The following CUBN variants were observed in gnomAD, a reference collection of about 807,000 sequenced individuals.
CUBN encodes 460 kDa receptor.
A neutral mutation model predicts 405.3 loss-of-function variants in CUBN; 282 were observed. The ratio of observed to expected loss-of-function variants is 0.70; its 90% CI spans 0.63 to 0.77. CUBN has a LOEUF of 0.77. CUBN is among the 30% of genes least tolerant of loss of function. The probability of loss-of-function intolerance (pLI) is 0.00; values close to 1 mark genes in which losing one functional copy is unlikely to be tolerated. For synonymous variants in CUBN, 1,684 were observed against 1,617.0 expected, an observed-to-expected ratio of 1.04 and a Z score of -0.99; for missense variants, 4,514 against 4,475.2, an observed-to-expected ratio of 1.01 and a Z score of -0.25.
intron 32 of CUBN, among the ~76,000 whole-genome samples, chr10:16,952,933 G>A (rs1041942433): frequency 2.6e-5 from 4 of 152,164 alleles, no homozygotes; most frequent in Admixed American, 6.5e-5. Flanking sequence ...GGGAGGCCAG[G>A]GAGGGGACTG....
Position 17,068,692 on chromosome 10 carries a change from C to T in CUBN, c.2704G>A (p.Val902Met). ...GTDIPSFITS[V>M]YNFLYVTFVK... ...AATGTGACATAAAGAAAATTGTACA[C>T]AGATGTTATAAATGAAGGTATGTCT... The change falls in exon 20 of 67, where the codon GTG (valine) becomes ATG (methionine). Residue 902 changes from valine to methionine, a missense_variant. Physicochemically the swap from Val to Met is conservative, Grantham distance 21 (BLOSUM62 1). This residue lies in a region of CUBN where 1,448 missense variants were observed against 1,388.0 expected (regional missense o/e 1.04). Coordinates refer to ENST00000377833, the MANE Select transcript of CUBN (RefSeq NM_001081.4). 1 of 1,612,328 alleles carries T rather than the reference C, an allele frequency of 6.2e-7. No individual in the cohort carries two copies. Among genetic ancestry groups the T allele is most frequent in the Non-Finnish European group, 8.5e-7 (1 of 1,178,726 alleles).
rs147520724 is a variant in CUBN at position 16,915,589 on chromosome 10, T to G, written c.7210+232A>C. Among the ~76,000 whole-genome samples, 88 of 152,218 alleles carry G rather than the reference T, an allele frequency of 5.8e-4. 1 individual carries two copies. In the East Asian group the frequency reaches 0.014, roughly 23 times the overall value. On this transcript the variant is annotated intron_variant, in intron 46 of 66. Coordinates refer to ENST00000377833, the MANE Select transcript of CUBN (RefSeq NM_001081.4). ...AGAGGTGCCTTCCCACTACCGTTGC[T>G]CTCCCCAAGTGGCCTCCAGGGTGGG...
chr10:16,937,539 A>G, intron 39 of CUBN, 53 bp downstream of exon 39: 3 of 1,486,924 alleles, frequency 2.0e-6, no homozygotes, highest in Non-Finnish European at 2.8e-6. Flanking sequence ...CCTTTGAAAC[A>G]TTGGCCTGCA....
intron 28 of CUBN, among the ~76,000 whole-genome samples, chr10:17,012,365 T>C (rs1834209710): frequency 6.6e-6 from 1 of 151,566 alleles, no homozygotes; most frequent in African/African-American, 2.4e-5. Flanking sequence ...TCTCGTACTA[T>C]CCCTGACTGG....
intron 23 of CUBN, 147 bp downstream of exon 23, chr10:17,047,267 A>G (rs1351949091): frequency 1.1e-5 from 7 of 626,724 alleles, no homozygotes; most frequent in Non-Finnish European, 1.9e-5. Context: ...TCAGGCTCCA[A>G]ATGACAAACT....
At chr10:16,890,325 C>T in intron 55 of CUBN, 46 bp downstream of exon 55, 1 of 1,607,720 alleles carries the variant, frequency 6.2e-7, no homozygotes, top group African/African-American at 1.3e-5. Flanking sequence ...CTGTGACAAC[C>T]ACACTCCCGC....
chr10:17,046,841 G>T (rs1301358109), intron 23 of CUBN, among the ~76,000 whole-genome samples: 1 of 152,100 alleles, frequency 6.6e-6, no homozygotes, highest in African/African-American at 2.4e-5. Flanking sequence ...TTAACTCAAA[G>T]TAGTGGCATG....
chr10:17,116,107 T>C (rs1836890420), intron 6 of CUBN, among the ~76,000 whole-genome samples: 1 of 152,212 alleles, frequency 6.6e-6, no homozygotes, highest in South Asian at 2.1e-4. Flanking sequence ...CAAAGGGCAA[T>C]ATGTCTTCTA....
Position 17,119,961 on chromosome 10 carries a change from A to G in CUBN, c.593+2834T>C, listed in dbSNP as rs1053316304. On this transcript the variant is annotated intron_variant, in intron 6 of 66. Coordinates refer to ENST00000377833, the MANE Select transcript of CUBN (RefSeq NM_001081.4). Reference sequence around the variant, plus strand: ...GAGGTCTTTACAATGGCAAATTATTAATCCAGTTAAAGACTCCTTTTTCCG... The same window carrying G: ...GAGGTCTTTACAATGGCAAATTATTGATCCAGTTAAAGACTCCTTTTTCCG... Among the ~76,000 whole-genome samples the G allele has an allele frequency of 4.6e-5, 7 of 152,240 alleles. No homozygotes were observed. The East Asian group carries it at 1.3e-3, about 29-fold the overall frequency.
At chr10:17,122,761 A>AT (rs1554821407) in intron 6 of CUBN, 34 bp downstream of exon 6, 39 of 1,241,970 alleles carry the variant, frequency 3.1e-5, no homozygotes, top group Admixed American at 6.9e-5. Context: ...TCAAAAATAT[A>AT]CTGATATTTA....
intron 58 of CUBN, among the ~76,000 whole-genome samples, chr10:16,873,756 G>C (rs1043250513): frequency 2.6e-5 from 4 of 150,984 alleles, no homozygotes; most frequent in Non-Finnish European, 5.9e-5. Context: ...AAAAGAAAAT[G>C]TATACTTTGA....
At chr10:17,087,472 C>CTTTGTTTTTTTTTTTTTTTTT (rs1202786680) in intron 15 of CUBN, among the ~76,000 whole-genome samples, 18 of 71,726 alleles carry the variant, frequency 2.5e-4, no homozygotes, top group African/African-American at 8.0e-4. Flanking sequence ...TTTTCTTTTT[C>CTTTGTTTTTTTTTTTTTTTTT]TTTTTTTTTT....
chr10:17,054,497 G>T (rs182437110), intron 22 of CUBN, among the ~76,000 whole-genome samples: 1 of 151,818 alleles, frequency 6.6e-6, no homozygotes, highest in Admixed American at 6.6e-5. Flanking sequence ...AATGGAAAAT[G>T]CAATAGCAAT....
At chr10:16,916,205 T>C (rs1841879841) in intron 45 of CUBN, among the ~76,000 whole-genome samples, 175 bp from the exon 46 acceptor site, 1 of 152,254 alleles carries the variant, frequency 6.6e-6, no homozygotes, top group African/African-American at 2.4e-5. Flanking sequence ...TTCCTCATTA[T>C]TTGAATTCTA....
chr10:16,847,088 A>G lies in CUBN; in HGVS notation c.9663+4147T>C, dbSNP rs941315540. ...AGAGCCTCTTCTGCTCTGCCCTTCT[A>G]TGTTGTTTCTATTTATGATTTTTGT... On this transcript the variant is annotated intron_variant, in intron 60 of 66. Coordinates refer to ENST00000377833, the MANE Select transcript of CUBN (RefSeq NM_001081.4). 2.6e-5 allele frequency among the ~76,000 whole-genome samples: 4 copies of G among 152,086 alleles called. No individual in the cohort carries two copies. In the East Asian group the frequency reaches 7.7e-4, roughly 29 times the overall value.
chr10:17,027,594 A>T (rs1267199925), intron 27 of CUBN, among the ~76,000 whole-genome samples: 1 of 152,178 alleles, frequency 6.6e-6, no homozygotes, highest in Admixed American at 6.5e-5. Flanking sequence ...TTAAAGCAAT[A>T]TCTTTGGGGA....
intron 31 of CUBN, among the ~76,000 whole-genome samples, chr10:16,971,564 A>C (rs1832934252): frequency 6.6e-6 from 1 of 152,222 alleles, no homozygotes; most frequent in South Asian, 2.1e-4. Context: ...TCCAAGAAAA[A>C]ATGACTTAGT....
chr10:16,930,068 C>G (rs1458124256), intron 40 of CUBN, among the ~76,000 whole-genome samples: 1 of 152,152 alleles, frequency 6.6e-6, no homozygotes, highest in Non-Finnish European at 1.5e-5. Context: ...CCTTCCAAAA[C>G]CTCAACATAT....
rs1838875095 is a variant in CUBN at position 16,828,822 on chromosome 10, CAG to C, written c.10745_10746del (p.Ser3582TrpfsTer27). The C allele has an allele frequency of 6.2e-7, 1 of 1,612,554 alleles. No individual in the cohort carries two copies. On this transcript the variant is annotated frameshift_variant, in exon 66 of 67. Coordinates refer to ENST00000377833, the MANE Select transcript of CUBN (RefSeq NM_001081.4). LOFTEE classifies it low-confidence loss of function (END_TRUNC). ...YDGPNASSPS[S>X]GPYCGGDTSI... ...TTACTCACGCCTCCGCAGTATGGTC[CAG>C]AGGATGGAGAGCTGGCGTTGGGCCC...
Sources: gnomAD v4.1 joint callset for allele counts (sites outside exome capture counted in the v4.1 genomes callset) on GRCh38, gnomAD v4.1.1 for gene constraint, gnomAD v4.1.1 regional missense constraint, MANE v1.5 for transcripts, NCBI Gene and HGNC (gene_info 2026-07-23, HGNC 2026-07-21) for gene names.